BCL7B: variants seen among roughly 807,000 people sequenced by gnomAD.
BCL7B encodes BAF chromatin remodeling complex subunit BCL7B.
In BCL7B, 11 loss-of-function variants were observed where a neutral mutation model predicts 26.5. The ratio of observed to expected loss-of-function variants is 0.42; its 90% confidence interval spans 0.26 to 0.69. BCL7B has a LOEUF of 0.69. BCL7B is among the 30% of genes least tolerant of loss of function. The pLI, the probability that BCL7B is intolerant of heterozygous loss-of-function variation, is 0.28. For synonymous variants in BCL7B, 111 were observed against 107.9 expected (o/e 1.03, Z -0.18); for missense variants, 215 against 264.4 (o/e 0.81, Z 1.30).
At chr7:73,541,633 A>G (rs1791775351) in intron 3 of BCL7B, among the ~76,000 whole-genome samples, 1 of 151,812 alleles carries the variant, frequency 6.6e-6, no homozygotes, top group Non-Finnish European at 1.5e-5. Flanking sequence ...ACGCCTGGGT[A>G]ATTTTGTATT....
chr7:73,554,143 AGTAAG>A (rs1211176853), intron 1 of BCL7B, among the ~76,000 whole-genome samples: 6 of 151,602 alleles, frequency 4.0e-5, no homozygotes, highest in Non-Finnish European at 7.4e-5. Context: ...TTGTATTTTT[AGTAAG>A]GATAGGGTTT....
chr7:73,557,146 A>G (rs1225359725), intron 1 of BCL7B: 4 of 1,007,060 alleles, frequency 4.0e-6, no homozygotes, highest in African/African-American at 1.7e-5. Context: ...AGGCGGGGCC[A>G]CTGCCCAGGA....
In BCL7B at chr7:73,537,404, G is replaced by C. The variant is rs1434680118; in HGVS notation, c.517-14C>G. ...TTCCTCAACGACCTAGGAGCAGGCA[G>C]AGCATGGAATGCCAGGGCCACCCCT... On this transcript the variant is annotated splice_polypyrimidine_tract_variant and intron_variant, in intron 5 of 5. Transcript: ENST00000223368. The C allele has an allele frequency of 6.8e-6, 11 of 1,611,432 alleles. No homozygotes were observed. Among genetic ancestry groups the C allele is most frequent in the African/African-American group, 1.3e-5 (1 of 74,860 alleles).
chr7:73,549,078 C>T (rs1271697123), intron 2 of BCL7B, among the ~76,000 whole-genome samples: 1 of 152,188 alleles, frequency 6.6e-6, no homozygotes, highest in African/African-American at 2.4e-5. Context: ...GACCCAGCCA[C>T]TTCCCTTCCA....
chr7:73,551,046 CAACA>C (rs1172262881), intron 2 of BCL7B, among the ~76,000 whole-genome samples: 2 of 152,034 alleles, frequency 1.3e-5, no homozygotes, highest in African/African-American at 4.8e-5. Context: ...CAAATACATC[CAACA>C]AAGATGAAGC....
intron 2 of BCL7B, among the ~76,000 whole-genome samples, chr7:73,545,188 T>C (rs1791907847): frequency 6.6e-6 from 1 of 152,180 alleles, no homozygotes; most frequent in South Asian, 2.1e-4. Context: ...ATTATATTAG[T>C]AACGTAATTT....
chr7:73,548,317 A>G (rs1554583674), intron 2 of BCL7B, among the ~76,000 whole-genome samples: 1 of 151,718 alleles, frequency 6.6e-6, no homozygotes, highest in African/African-American at 2.4e-5. Flanking sequence ...AATCCCAACT[A>G]CTCTGGAGGC....
rs188438420 is a variant in BCL7B at position 73,552,675 on chromosome 7, G to A, written c.93-433C>T. On this transcript the variant is annotated intron_variant, in intron 1 of 5. Transcript: ENST00000223368. ...GTGTGCCTGTAATCCCAGCTACTCC[G>A]GAGGCTAAGGTGGGAGGATCCCTTG... is the stretch of plus-strand genomic sequence containing the variant. 1.9e-3 allele frequency among the ~76,000 whole-genome samples: 286 copies of A among 151,784 alleles called. 3 individuals are homozygous for A. The highest frequency in any genetic ancestry group is 8.3e-4 in the South Asian group (4 of 4,810).
At chr7:73,543,020 C>T (rs1488195606) in intron 3 of BCL7B, 6 of 304,952 alleles carry the variant, frequency 2.0e-5, no homozygotes, top group East Asian at 8.0e-5. Flanking sequence ...ACTTTAGACA[C>T]GTAACTTAAC....
At chr7:73,557,206 G>C (rs969655124) in intron 1 of BCL7B, 21 of 1,049,258 alleles carry the variant, frequency 2.0e-5, no homozygotes, top group South Asian at 4.6e-5. Flanking sequence ...ACCGACGCCA[G>C]GCAGCTCCAG....
intron 2 of BCL7B, among the ~76,000 whole-genome samples, chr7:73,545,752 G>A (rs1791929459): frequency 6.6e-6 from 1 of 152,174 alleles, no homozygotes; most frequent in Non-Finnish European, 1.5e-5. Context: ...GTGCTAGGAG[G>A]TTCCCTGGAG....
intron 1 of BCL7B, among the ~76,000 whole-genome samples, chr7:73,556,408 T>C (rs1167189406): frequency 1.3e-5 from 2 of 152,048 alleles, no homozygotes; most frequent in African/African-American, 4.8e-5. Context: ...ACTCCTGGCC[T>C]CAAGCGATCC....
In BCL7B at chr7:73,538,016, GA is replaced by G; in HGVS notation, c.437-4del. 2 of 1,594,664 alleles carry G rather than the reference GA, an allele frequency of 1.3e-6. No individual in the cohort carries two copies. Among genetic ancestry groups the G allele is most frequent in the South Asian group, 1.1e-5 (1 of 88,706 alleles). Reference sequence around the variant, plus strand: ...TTCCGAGGAGGGCAGGGAGGGCTCTGAAAAGGCAGTAGGGTCGGCCTGAGGG... The same window carrying G: ...TTCCGAGGAGGGCAGGGAGGGCTCTGAAAGGCAGTAGGGTCGGCCTGAGGG... On this transcript the variant is annotated splice_region_variant and splice_polypyrimidine_tract_variant and intron_variant, in intron 4 of 5. Coordinates refer to ENST00000223368, the MANE Select transcript of BCL7B (RefSeq NM_001707.4).
intron 4 of BCL7B, among the ~76,000 whole-genome samples, chr7:73,539,375 C>A (rs561794678): frequency 6.6e-6 from 1 of 152,092 alleles, no homozygotes; most frequent in African/African-American, 2.4e-5. Flanking sequence ...CCTCAGCCTC[C>A]GGAGTAGCTG....
intron 2 of BCL7B, 57 bp downstream of exon 2, chr7:73,552,110 G>C: frequency 7.3e-7 from 1 of 1,361,330 alleles, no homozygotes; most frequent in Non-Finnish European, 1.0e-6. Flanking sequence ...AAAAAAAAGA[G>C]GCAATCAAAT....
chr7:73,540,472 C>T (rs1053555027), intron 3 of BCL7B: 39 of 171,858 alleles, frequency 2.3e-4, no homozygotes, highest in Non-Finnish European at 3.4e-4. Flanking sequence ...GCCGGACTGA[C>T]GGATTAGCAC....
At position 73,539,785 on chromosome 7, in the gene BCL7B, G is replaced by A; in HGVS notation, c.436+97C>T. On this transcript the variant is annotated intron_variant, in intron 4 of 5. Coordinates refer to ENST00000223368, the MANE Select transcript of BCL7B (RefSeq NM_001707.4). The stretch of plus-strand genomic sequence containing the variant: ...AGGGCTTGGTGCTGCCTGGCTCTGA[G>A]GTGCTCTCTCGAGCCTGTTACTCTA... 16 of 1,426,792 alleles carry A rather than the reference G, an allele frequency of 1.1e-5. No individual in the cohort carries two copies. The South Asian group carries it at 2.1e-4, about 18-fold the overall frequency. The allele number at this position is 1,426,792 out of a possible 1,614,324, so 88.4% of individuals were successfully genotyped here.
chr7:73,540,180 G>A (rs1791703058), intron 3 of BCL7B, 128 bp from the exon 4 acceptor site: 1 of 977,244 alleles, frequency 1.0e-6, no homozygotes, highest in Non-Finnish European at 1.5e-6. Context: ...AATAATCATT[G>A]TGCCCGGCCT....
chr7:73,552,080 G>A (rs1372729664), intron 2 of BCL7B, 87 bp downstream of exon 2: 27 of 1,117,870 alleles, frequency 2.4e-5, no homozygotes, highest in Non-Finnish European at 3.0e-5. Context: ...GTGACACAGC[G>A]AGACTCCGTC....
Sources: gnomAD v4.1 joint callset for allele counts (sites outside exome capture counted in the v4.1 genomes callset) on GRCh38, gnomAD v4.1.1 for gene constraint, MANE v1.5 for transcripts, NCBI Gene and HGNC (gene_info 2026-07-23, HGNC 2026-07-21) for gene names.